Variants in SNTB2 observed in about 807,000 individuals in gnomAD.
SNTB2 encodes syntrophin beta 2.
A neutral mutation model predicts 46.2 loss-of-function variants in SNTB2; 34 were observed. The ratio of observed to expected loss-of-function variants is 0.74; its 90% confidence interval spans 0.56 to 0.98. The LOEUF (loss-of-function observed/expected upper bound fraction) is 0.98, where lower values mean the gene tolerates loss of function less well. SNTB2 is among the 50% of genes least tolerant of loss of function. SNTB2 has a pLI of 0.00. For missense variants in SNTB2, 603 were observed against 731.4 expected (o/e 0.82, Z 2.02); for synonymous variants, 290 against 312.6 (o/e 0.93, Z 0.76).
intron 3 of SNTB2, among the ~76,000 whole-genome samples, chr16:69,261,811 C>T (rs1019726492): frequency 6.6e-6 from 1 of 152,180 alleles, no homozygotes; most frequent in Non-Finnish European, 1.5e-5. Context: ...AACTCTTGCC[C>T]TCATTCCCGT....
At chr16:69,286,144 G>A (rs1007923733) in intron 5 of SNTB2, among the ~76,000 whole-genome samples, 8 of 151,970 alleles carry the variant, frequency 5.3e-5, no homozygotes, top group Non-Finnish European at 1.2e-4. Flanking sequence ...TAGAGATGAG[G>A]TCTTACTGTG....
chr16:69,212,288 C>A (rs1964296074), intron 1 of SNTB2, among the ~76,000 whole-genome samples: 1 of 152,078 alleles, frequency 6.6e-6, no homozygotes, highest in Non-Finnish European at 1.5e-5. Context: ...TGACTCCACC[C>A]TACCACCCCC....
intron 1 of SNTB2, among the ~76,000 whole-genome samples, chr16:69,210,544 T>C (rs892646866): frequency 2.0e-5 from 3 of 147,702 alleles, no homozygotes; most frequent in African/African-American, 7.5e-5. Context: ...GGCCATATTA[T>C]GTTTTTAGAG....
At chr16:69,269,968 C>A (rs115247990) in intron 3 of SNTB2, among the ~76,000 whole-genome samples, 175 bp from the exon 4 acceptor site, 2,761 of 152,266 alleles carry the variant, frequency 0.018, 82 homozygotes, top group African/African-American at 0.062. Flanking sequence ...CCACTTCACA[C>A]CTCCCGGTGG....
chr16:69,253,597 C>A (rs1482595625), intron 2 of SNTB2, among the ~76,000 whole-genome samples: 2 of 152,040 alleles, frequency 1.3e-5, no homozygotes, highest in Non-Finnish European at 2.9e-5. Flanking sequence ...TGCATTGAGC[C>A]AAGATTGTGC....
At chr16:69,189,780 A>G (rs1227817116) in intron 1 of SNTB2, among the ~76,000 whole-genome samples, 1 of 152,230 alleles carries the variant, frequency 6.6e-6, no homozygotes, top group East Asian at 1.9e-4. Flanking sequence ...CTTTTTGTAT[A>G]GGTATAGTTT....
intron 5 of SNTB2, among the ~76,000 whole-genome samples, chr16:69,292,392 ATAT>A (rs1965174541): frequency 1.1e-4 from 3 of 26,362 alleles, no homozygotes; most frequent in African/African-American, 1.0e-3. Context: ...TATATATATT[ATAT>A]ATATATATAT....
chr16:69,278,933 T>TGTGTGTGTGTGTGTG (rs750329569), intron 4 of SNTB2, among the ~76,000 whole-genome samples: 1 of 148,628 alleles, frequency 6.7e-6, no homozygotes, highest in African/African-American at 2.5e-5. Context: ...TGTGTGTGTG[T>TGTGTGTGTGTGTGTG]TAATAAACTC....
intron 4 of SNTB2, among the ~76,000 whole-genome samples, chr16:69,274,702 G>A (rs972185877): frequency 6.6e-6 from 1 of 151,004 alleles, no homozygotes; most frequent in African/African-American, 2.4e-5. Flanking sequence ...CATGGCACGT[G>A]CCTGTAATCC....
intron 1 of SNTB2, among the ~76,000 whole-genome samples, chr16:69,204,049 C>T (rs1373487630): frequency 2.0e-5 from 3 of 152,128 alleles, no homozygotes; most frequent in Non-Finnish European, 4.4e-5. Context: ...CCCGCCACCA[C>T]GCCTGGCTAA....
chr16:69,193,318 C>CTT (rs57663863), intron 1 of SNTB2, among the ~76,000 whole-genome samples: 850 of 70,180 alleles, frequency 0.012, 261 homozygotes, highest in African/African-American at 0.027. Context: ...ATGGTATAGA[C>CTT]TTTTTTTTTT....
chr16:69,232,332 A>T (rs1415868086), intron 1 of SNTB2, among the ~76,000 whole-genome samples: 3 of 150,102 alleles, frequency 2.0e-5, no homozygotes, highest in Non-Finnish European at 4.4e-5. Flanking sequence ...CAGCCTCCCG[A>T]GTAAGTGGGA....
intron 4 of SNTB2, among the ~76,000 whole-genome samples, chr16:69,277,598 T>G (rs1389644929): frequency 2.0e-5 from 3 of 152,230 alleles, no homozygotes; most frequent in Non-Finnish European, 4.4e-5. Context: ...CAGAAGGCTA[T>G]CCACGTAATG....
intron 1 of SNTB2, among the ~76,000 whole-genome samples, chr16:69,233,293 G>T (rs1234355563): frequency 6.6e-6 from 1 of 152,150 alleles, no homozygotes; most frequent in Non-Finnish European, 1.5e-5. Context: ...TGAGGTTCTG[G>T]TGACTGTCCT....
intron 5 of SNTB2, among the ~76,000 whole-genome samples, chr16:69,296,774 A>G (rs1379833953): frequency 2.0e-5 from 3 of 151,870 alleles, no homozygotes; most frequent in African/African-American, 7.3e-5. Flanking sequence ...TGGGAGCCCA[A>G]GGTGGGCAGA....
At chr16:69,187,774 C>T (rs771166119) in intron 1 of SNTB2, 28 bp downstream of exon 1, 28 of 1,280,574 alleles carry the variant, frequency 2.2e-5, no homozygotes, top group Non-Finnish European at 2.6e-5. Flanking sequence ...GGAGGGTGGG[C>T]AGGCCGCGGC....
At chr16:69,259,389 C>T (rs1405026097) in intron 2 of SNTB2, among the ~76,000 whole-genome samples, 1 of 150,776 alleles carries the variant, frequency 6.6e-6, no homozygotes, top group East Asian at 2.0e-4. Context: ...CACGCCCCAA[C>T]GCCCGGCTAA....
intron 5 of SNTB2, among the ~76,000 whole-genome samples, chr16:69,293,165 C>T (rs1597204092): frequency 6.6e-6 from 1 of 152,118 alleles, no homozygotes; most frequent in Non-Finnish European, 1.5e-5. Flanking sequence ...AGAGAGGGCC[C>T]TTCTCTTCCT....
rs1254619142 is a variant in SNTB2, at chr16:69,251,479, A to T, written c.794+5664A>T. ...GTGCATGTTTAGTTTAAAAAAAAAA[A>T]AAAAAAAAAAAAAACTAGGCCAGGC... On this transcript the variant is annotated intron_variant, in intron 2 of 6. Coordinates refer to ENST00000336278, the MANE Select transcript of SNTB2 (RefSeq NM_006750.4). Among the ~76,000 whole-genome samples, 37 of 148,758 alleles carry T rather than the reference A, an allele frequency of 2.5e-4. 1 individual carries two copies. Among genetic ancestry groups the T allele is most frequent in the African/African-American group, 7.1e-4 (29 of 40,916 alleles).
Sources: allele counts gnomAD v4.1 joint callset (sites outside exome capture counted in the v4.1 genomes callset), GRCh38; gene constraint gnomAD v4.1.1; transcripts MANE v1.5; gene names NCBI Gene and HGNC (gene_info 2026-07-23, HGNC 2026-07-21).